Variants in PCDH15 observed in about 807,000 individuals in gnomAD.
PCDH15 encodes the protein protocadherin related 15.
Under a neutral mutation model 178.5 loss-of-function variants are expected in PCDH15, and 129 were observed. That is an observed-to-expected ratio of 0.72 (90% CI 0.63 to 0.84). PCDH15 has a LOEUF of 0.84. PCDH15 is among the 40% of genes least tolerant of loss of function. The pLI, the probability that PCDH15 is intolerant of heterozygous loss-of-function variation, is 0.00. For synonymous variants in PCDH15, 800 were observed against 732.0 expected (o/e 1.09, Z -1.50); for missense variants, 2,230 against 2,099.9 (o/e 1.06, Z -1.21).
At chr10:55,113,189 T>C (rs1343632648) in intron 2 of PCDH15, among the ~76,000 whole-genome samples, 1 of 152,200 alleles carries the variant, frequency 6.6e-6, no homozygotes, top group Non-Finnish European at 1.5e-5. Context: ...CTGAATTGAC[T>C]AAGGTGGTAT....
At chr10:54,391,950 A>G (rs545417438) in intron 3 of PCDH15, among the ~76,000 whole-genome samples, 1 of 152,332 alleles carries the variant, frequency 6.6e-6, no homozygotes, top group South Asian at 2.1e-4. Flanking sequence ...TTTATGAGTT[A>G]AAGCTTAAGT....
At chr10:54,044,317 G>T (rs1042688782) in intron 18 of PCDH15, among the ~76,000 whole-genome samples, 1 of 152,100 alleles carries the variant, frequency 6.6e-6, no homozygotes, top group African/African-American at 2.4e-5. Flanking sequence ...GGGATTTGAA[G>T]TTAAAGGTAT....
At position 53,822,968 on chromosome 10, in the gene PCDH15, C is replaced by A. The variant is rs2076400492; in HGVS notation, c.4368-2738G>T. On this transcript the variant is annotated intron_variant, in intron 32 of 37. Coordinates refer to ENST00000644397, the MANE Select transcript of PCDH15 (RefSeq NM_001384140.1). ...TGATCTCTGGTCTATTTGGAACTTT[C>A]CTCATCAGCCTCCTGGGTAAGCTGA... 1.2e-6 allele frequency: 2 copies of A among 1,614,102 alleles called. No homozygotes were observed. The highest frequency in any genetic ancestry group is 1.7e-5 in the Admixed American group (1 of 59,992).
intron 2 of PCDH15, among the ~76,000 whole-genome samples, chr10:55,076,012 A>G (rs1841876917): frequency 6.6e-6 from 1 of 152,094 alleles, no homozygotes; most frequent in Non-Finnish European, 1.5e-5. Context: ...ACTCAGGAGC[A>G]TGTTGTTTTG....
chr10:54,636,061 T>C (rs2093845103), intron 2 of PCDH15, among the ~76,000 whole-genome samples: 1 of 151,952 alleles, frequency 6.6e-6, no homozygotes, highest in Non-Finnish European at 1.5e-5. Context: ...ACGTTAATAA[T>C]TGACATGAAG....
chr10:55,431,059 CTT>C (rs771647405), intron 2 of PCDH15, among the ~76,000 whole-genome samples: 33 of 152,196 alleles, frequency 2.2e-4, no homozygotes, highest in Admixed American at 3.9e-4. Flanking sequence ...ATTATCTCCT[CTT>C]TTAAAAAATC....
chr10:55,603,089 A>C (rs1249942630), intron 2 of PCDH15, among the ~76,000 whole-genome samples: 2 of 152,196 alleles, frequency 1.3e-5, no homozygotes, highest in Non-Finnish European at 2.9e-5. Context: ...TACGTGAAGA[A>C]TGCAGAAGCC....
At chr10:54,873,787 A>G (rs11004614) in intron 3 of PCDH15, among the ~76,000 whole-genome samples, 11 of 147,028 alleles carry the variant, frequency 7.5e-5, no homozygotes, top group African/African-American at 2.5e-4. Flanking sequence ...GTGTGTGTGT[A>G]TATATATATG....
At chr10:55,092,598 C>T (rs372104604) in intron 2 of PCDH15, among the ~76,000 whole-genome samples, 37 of 151,622 alleles carry the variant, frequency 2.4e-4, no homozygotes, top group African/African-American at 7.7e-4. Context: ...CCTTTTTCAC[C>T]ATAAAACAAA....
intron 2 of PCDH15, among the ~76,000 whole-genome samples, chr10:55,442,935 G>T (rs920179329): frequency 1.4e-4 from 22 of 151,958 alleles, no homozygotes; most frequent in Non-Finnish European, 2.1e-4. Flanking sequence ...AGAGGAAAAA[G>T]ATATAGATAT....
rs548526099 is a variant in PCDH15 at position 55,581,365 on chromosome 10, GATTGAAAATGTTTAATTTTCATTGAAAC to G, written c.-156+46232_-156+46259del. Among the ~76,000 whole-genome samples, 748 of 151,656 alleles carry G rather than the reference GATTGAAAATGTTTAATTTTCATTGAAAC, an allele frequency of 4.9e-3. 6 individuals are homozygous for G. The highest frequency in any genetic ancestry group is 6.7e-3 in the Non-Finnish European group (457 of 67,896). On this transcript the variant is annotated intron_variant, in intron 2 of 5. Transcript: ENST00000613346. ...GCATTTATAACTGGATATCTATTTA[GATTGAAAATGTTTAATTTTCATTGAAAC>G]ATTGAAAATGTTTAATTTTCAATCT...
rs1232441937 is a variant in PCDH15 at position 54,105,237 on chromosome 10, T to G, written c.1918-15174A>C. 3.6e-5 allele frequency among the ~76,000 whole-genome samples: 5 copies of G among 138,392 alleles called. No individual in the cohort carries two copies. The Admixed American group carries it at 3.8e-4, about 11-fold the overall frequency. 90.8% of individuals were successfully genotyped at this position (138,392 alleles called of 152,430 possible). A position where few individuals can be genotyped will look rare whatever the true frequency, so the allele number is the denominator to read the frequency against. On this transcript the variant is annotated intron_variant, in intron 15 of 37. Coordinates refer to ENST00000644397, the MANE Select transcript of PCDH15 (RefSeq NM_001384140.1). ...TCAGAGTTCTCTAGAGGGACAGAAC[T>G]AACAAGAGATATAGATATAGATATA... is the stretch of plus-strand genomic sequence containing the variant.
At chr10:54,153,410 T>C in intron 13 of PCDH15, 117 bp from the exon 14 acceptor site, 1 of 1,102,332 alleles carries the variant, frequency 9.1e-7, no homozygotes, top group Admixed American at 2.0e-5. Flanking sequence ...GAAAGTTTCC[T>C]TGACATATAT....
rs562751479 is a variant in PCDH15 at position 54,228,346 on chromosome 10, T to TA, written c.985+8476dup. 1.1e-3 allele frequency among the ~76,000 whole-genome samples: 164 copies of TA among 151,606 alleles called. 3 individuals carry two copies. The highest frequency in any genetic ancestry group is 1.8e-3 in the Non-Finnish European group (119 of 67,844). On this transcript the variant is annotated intron_variant, in intron 9 of 37. Transcript: ENST00000644397. ...ACTTGTGCAGGGGAACTCCTCTTTTTAAAAAAAAATCATCAGATCTTGTGA... is the reference window on the plus strand; with the variant it reads ...ACTTGTGCAGGGGAACTCCTCTTTTTAAAAAAAAAATCATCAGATCTTGTGA...
At chr10:55,223,242 C>A (rs1840934857) in intron 1 of PCDH15, among the ~76,000 whole-genome samples, 1 of 152,078 alleles carries the variant, frequency 6.6e-6, no homozygotes, top group Non-Finnish European at 1.5e-5. Context: ...CTTGTATGTG[C>A]CAAGAGGCTA....
chr10:55,049,072 G>C (rs528161665), intron 2 of PCDH15, among the ~76,000 whole-genome samples: 30 of 152,060 alleles, frequency 2.0e-4, no homozygotes, highest in Non-Finnish European at 4.1e-4. Context: ...CATTCTTAGA[G>C]TGACTTTCCA....
rs896999431 is a variant in PCDH15 at position 55,242,678 on chromosome 10, C to CA, written c.-155-76028dup. On this transcript the variant is annotated intron_variant, in intron 1 of 5. Transcript: ENST00000458638. ...GCAACGTGGCAAAACCTTGTCTCTA[C>CA]AAAAAATACAAAAGAAAAAAAAAGT... Among the ~76,000 whole-genome samples, 10 of 148,986 alleles carry CA rather than the reference C, an allele frequency of 6.7e-5. No individual in the cohort carries two copies. In the East Asian group the frequency reaches 2.1e-3, roughly 31 times the overall value.
chr10:54,736,405 C>G (rs1365859009), intron 1 of PCDH15, among the ~76,000 whole-genome samples: 2 of 152,004 alleles, frequency 1.3e-5, no homozygotes, highest in East Asian at 3.9e-4. Context: ...CCCACCCCAT[C>G]CCCCAACAAA....
rs1007179671 is a variant in PCDH15, at chr10:53,970,182, C to CA, written c.2869-8291dup. Among the ~76,000 whole-genome samples, 846 of 144,838 alleles carry CA rather than the reference C, an allele frequency of 5.8e-3. 6 individuals are homozygous for CA. Among genetic ancestry groups the CA allele is most frequent in the African/African-American group, 0.013 (510 of 39,596 alleles). On this transcript the variant is annotated intron_variant, in intron 21 of 37. Coordinates refer to ENST00000644397, the MANE Select transcript of PCDH15 (RefSeq NM_001384140.1). Reference sequence around the variant, plus strand: ...GAAGATCTACCAAGCAAATGGAAAGCAAAAAAAAAATAGCAGGGGTTGCAA... The same window carrying CA: ...GAAGATCTACCAAGCAAATGGAAAGCAAAAAAAAAAATAGCAGGGGTTGCAA...
Sources: gnomAD v4.1 joint callset for allele counts (sites outside exome capture counted in the v4.1 genomes callset) on GRCh38, gnomAD v4.1.1 for gene constraint, MANE v1.5 for transcripts, NCBI Gene and HGNC (gene_info 2026-07-23, HGNC 2026-07-21) for gene names.